KCNN4: variants seen among roughly 807,000 people sequenced by gnomAD.
KCNN4 encodes the protein potassium calcium-activated channel subfamily N member 4.
In KCNN4, 31 loss-of-function variants were observed where a neutral mutation model predicts 45.2. The ratio of observed to expected loss-of-function variants is 0.69; its 90% CI spans 0.52 to 0.92. The LOEUF is 0.92. Among genes scored for constraint, KCNN4 ranks in the 40% least tolerant of loss-of-function variants. KCNN4 has a pLI of 0.00. For synonymous variants in KCNN4, 231 were observed against 254.6 expected (o/e 0.91, Z 0.88); for missense variants, 463 against 574.0 (o/e 0.81, Z 1.98).
Position 43,769,502 on chromosome 19 carries a change from C to A in KCNN4, c.989G>T (p.Arg330Leu). Reference protein sequence around the residue: ...QEAWMFYKHTRRKESHAARRH... With the variant: ...QEAWMFYKHTLRKESHAARRH... ...GCGGGCAGCATGAGACTCCTTCCTG[C>A]GAGTATGTTTGTAGAACATCCAGGC... Residue 330 changes from arginine (R) to leucine (L), a missense_variant, in exon 6 of 9, where the codon CGC becomes CTC. This residue lies in a region of KCNN4 where 129 missense variants were observed against 149.4 expected (regional missense o/e 0.86). Coordinates refer to ENST00000648319, the MANE Select transcript of KCNN4 (RefSeq NM_002250.3). This position sits in a 1 kb window ranked among gnomAD's most constrained non-coding sequence, Gnocchi z 4.4. The A allele has an allele frequency of 2.5e-6, 4 of 1,614,206 alleles. No individual in the cohort carries two copies. The highest frequency in any genetic ancestry group is 3.4e-6 in the Non-Finnish European group (4 of 1,180,046).
chr19:43,780,154 G>C (rs1240430365), intron 1 of KCNN4, among the ~76,000 whole-genome samples: 2 of 152,062 alleles, frequency 1.3e-5, no homozygotes, highest in African/African-American at 4.8e-5. Flanking sequence ...GGGGGCTTGA[G>C]TGTCTGATCA....
rs1969684313 is a variant in KCNN4, at chr19:43,772,959, T to C, written c.684-824A>G. Among the ~76,000 whole-genome samples the C allele has an allele frequency of 6.6e-6, 1 of 152,242 alleles. No individual in the cohort carries two copies. Among genetic ancestry groups the C allele is most frequent in the South Asian group, 2.1e-4 (1 of 4,828 alleles). On this transcript the variant is annotated intron_variant, in intron 3 of 8. Transcript: ENST00000648319. This position sits in a 1 kb window ranked among gnomAD's most constrained non-coding sequence, Gnocchi z 4.4. The stretch of plus-strand genomic sequence containing the variant: ...TGGTGGGGGGATCATTCATTAATCC[T>C]GATTCTGACCAATTTCCCAATTGTG...
In KCNN4 at chr19:43,770,314, C is replaced by T. The variant is rs140803558; in HGVS notation, c.820-485G>A. ...GCTTCCACTGGCCTGAACGTCTCAG[C>T]CTGGCTCCCAAGGCCTTCCAAGGTC... On this transcript the variant is annotated intron_variant, in intron 4 of 8. Transcript: ENST00000648319. Among the ~76,000 whole-genome samples the T allele has an allele frequency of 5.0e-3, 763 of 152,282 alleles. 4 individuals carry two copies. The highest frequency in any genetic ancestry group is 0.018 in the African/African-American group (731 of 41,552).
At position 43,766,543 on chromosome 19, in the gene KCNN4, A is replaced by T. The variant is rs1251630873; in HGVS notation, c.*550T>A. 6.6e-6 allele frequency: 1 copy of T among 152,258 alleles called. No homozygotes were observed. Among genetic ancestry groups the T allele is most frequent in the Non-Finnish European group, 1.5e-5 (1 of 68,060 alleles). 9.4% of individuals were successfully genotyped at this position (152,258 alleles called of 1,614,324 possible). A position where few individuals can be genotyped will look rare whatever the true frequency, so the allele number is the denominator to read the frequency against. On this transcript the variant is annotated 3_prime_UTR_variant, in exon 9 of 9. Transcript: ENST00000648319. ...GAGAGAAATGGCAACTTCTGGCTTT[A>T]ACATTTATTACAAAGATAAGAGCAG...
In KCNN4 at chr19:43,769,288, C is replaced by T; in HGVS notation, c.1049+154G>A. 1.4e-6 allele frequency: 1 copy of T among 706,462 alleles called. No homozygotes were observed. The highest frequency in any genetic ancestry group is 2.5e-6 in the Non-Finnish European group (1 of 401,768). The allele number at this position is 706,462 out of a possible 1,614,324, so 43.8% of individuals were successfully genotyped here. The stretch of plus-strand genomic sequence containing the variant: ...ACCAGCACAGACACATAGAGTCATG[C>T]ACGGTCAGATCCAGGTGAGACCTGG... On this transcript the variant is annotated intron_variant, in intron 6 of 8. Transcript: ENST00000648319. The surrounding 1 kb of genome is among the most constrained non-coding windows in gnomAD (Gnocchi z 4.4).
intron 7 of KCNN4, among the ~76,000 whole-genome samples, chr19:43,768,643 G>A (rs1969548795): frequency 6.6e-6 from 1 of 152,114 alleles, no homozygotes. Context: ...TGGTTTTATT[G>A]TATGAGCTGT....
chr19:43,774,162 C>T lies in KCNN4; in HGVS notation c.683+30G>A, dbSNP rs767292201. Reference sequence around the variant, plus strand: ...CCGCCGTGGCTGTCCGGGGTTCCCCCCTGCGCATTTATGCCTCCATCACCC... The same window carrying T: ...CCGCCGTGGCTGTCCGGGGTTCCCCTCTGCGCATTTATGCCTCCATCACCC... On this transcript the variant is annotated intron_variant, in intron 3 of 8. Transcript: ENST00000648319. The surrounding 1 kb of genome is among the most constrained non-coding windows in gnomAD (Gnocchi z 5.6). 1.3e-6 allele frequency: 2 copies of T among 1,585,466 alleles called. No individual in the cohort carries two copies. The highest frequency in any genetic ancestry group is 2.3e-5 in the East Asian group (1 of 43,916).
intron 1 of KCNN4, among the ~76,000 whole-genome samples, chr19:43,779,515 G>T (rs1382915084): frequency 6.6e-6 from 1 of 152,102 alleles, no homozygotes; most frequent in African/African-American, 2.4e-5. Flanking sequence ...GTCCGCATCT[G>T]GCCCTACCAG....
Position 43,776,643 on chromosome 19 carries a change from G to T in KCNN4, c.160-7C>A. On this transcript the variant is annotated splice_region_variant and splice_polypyrimidine_tract_variant and intron_variant, in intron 1 of 8. Transcript: ENST00000648319. ...GGAACAGGTAGAGCGCCCACTGTCA[G>T]GGGGGACGGAAAAAGCGGTGTGAGA... 1 of 1,597,150 alleles carries T rather than the reference G, an allele frequency of 6.3e-7. No homozygotes were observed. The highest frequency in any genetic ancestry group is 8.6e-7 in the Non-Finnish European group (1 of 1,164,672).
At chr19:43,771,438 G>A (rs1969640798) in intron 4 of KCNN4, among the ~76,000 whole-genome samples, 3 of 152,140 alleles carry the variant, frequency 2.0e-5, no homozygotes, top group African/African-American at 7.2e-5. Flanking sequence ...GAGAGATCAC[G>A]TGGCTCGCCT....
At chr19:43,780,311 C>T (rs541129974) in intron 1 of KCNN4, among the ~76,000 whole-genome samples, 112 of 152,064 alleles carry the variant, frequency 7.4e-4, no homozygotes, top group African/African-American at 2.5e-3. Context: ...GAGTCCCAGC[C>T]AAAGCCCCTC....
intron 1 of KCNN4, among the ~76,000 whole-genome samples, chr19:43,778,591 A>T (rs1339846903): frequency 6.6e-6 from 1 of 152,104 alleles, no homozygotes; most frequent in East Asian, 1.9e-4. Flanking sequence ...TGGATTTCTC[A>T]GTAGCTTGAT....
intron 1 of KCNN4, among the ~76,000 whole-genome samples, chr19:43,779,288 G>A (rs1011626269): frequency 7.9e-5 from 12 of 152,158 alleles, no homozygotes; most frequent in Admixed American, 2.0e-4. Context: ...TTCTGGGTGC[G>A]GTGCTTCGGC....
chr19:43,776,603 T>C lies in KCNN4; in HGVS notation c.193A>G (p.Ile65Val). 6.2e-7 allele frequency: 1 copy of C among 1,613,936 alleles called. No homozygotes were observed. Among genetic ancestry groups the C allele is most frequent in the Non-Finnish European group, 8.5e-7 (1 of 1,179,874 alleles). ...AGGAGTAAGAAGGTGGAAATGCTGA[T>C]CGTGCATTTAACCAGGAACAGGTAG... is the stretch of plus-strand genomic sequence containing the variant. ...ALYLFLVKCT[I>V]SISTFLLLCL... The change falls in exon 2 of 9, where the codon ATC becomes GTC. Residue 65 changes from isoleucine (I) to valine (V), a missense_variant. Transcript: ENST00000648319.
At chr19:43,767,797 C>CA in intron 7 of KCNN4, 90 bp from the exon 8 acceptor site, 2 of 1,456,160 alleles carry the variant, frequency 1.4e-6, no homozygotes, top group Non-Finnish European at 1.9e-6. Flanking sequence ...ATATTGACCA[C>CA]ATCCTTATGG....
Position 43,780,926 on chromosome 19 carries a change from A to G in KCNN4, c.-65T>C. The G allele has an allele frequency of 3.9e-6, 6 of 1,547,088 alleles. No individual in the cohort carries two copies. Among genetic ancestry groups the G allele is most frequent in the African/African-American group, 1.4e-5 (1 of 73,750 alleles). Reference sequence around the variant, plus strand: ...GGGTCCCCCACCTCGCAGCACGCACAGGGCAGCCACTGTGGCTTGCAGGTC... The same window carrying G: ...GGGTCCCCCACCTCGCAGCACGCACGGGGCAGCCACTGTGGCTTGCAGGTC... On this transcript the variant is annotated 5_prime_UTR_variant, in exon 1 of 9. Coordinates refer to ENST00000648319, the MANE Select transcript of KCNN4 (RefSeq NM_002250.3).
rs1344445786 is a variant in KCNN4, at chr19:43,774,596, C to A, written c.279G>T (p.Leu93=). Residue 93 remains leucine (L), a synonymous_variant, in exon 3 of 9, where the codon CTG becomes CTT. Coordinates refer to ENST00000648319, the MANE Select transcript of KCNN4 (RefSeq NM_002250.3). This position sits in a 1 kb window ranked among gnomAD's most constrained non-coding sequence, Gnocchi z 5.6. ...CGGTCAGCGCCACGCGCCAGTCCCG[C>A]AGCCCGTTGTCGGTCATGAACAGCT... The part of the protein sequence containing the change: ...EVQLFMTDNG[L]RDWRVALTGR... 6.6e-7 allele frequency: 1 copy of A among 1,515,038 alleles called. No individual in the cohort carries two copies. 93.8% of individuals were successfully genotyped at this position (1,515,038 alleles called of 1,614,324 possible).
At position 43,774,071 on chromosome 19, in the gene KCNN4, C is replaced by T; in HGVS notation, c.683+121G>A. ...TTCAGCCAGCAAGAGGAGAAGGGGT[C>T]AAAGTGTGAACTTTCTCCACTGCTT... is the stretch of plus-strand genomic sequence containing the variant. On this transcript the variant is annotated intron_variant, in intron 3 of 8. Transcript: ENST00000648319. This position sits in a 1 kb window ranked among gnomAD's most constrained non-coding sequence, Gnocchi z 5.6. 9.3e-7 allele frequency: 1 copy of T among 1,072,252 alleles called. No homozygotes were observed. Among genetic ancestry groups the T allele is most frequent in the Non-Finnish European group, 1.3e-6 (1 of 751,098 alleles). The allele number at this position is 1,072,252 out of a possible 1,614,324, so 66.4% of individuals were successfully genotyped here.
In KCNN4 at chr19:43,769,052, G is replaced by A. The variant is rs1300643925; in HGVS notation, c.1050-20C>T. The A allele has an allele frequency of 2.5e-6, 4 of 1,613,922 alleles. No homozygotes were observed. Among genetic ancestry groups the A allele is most frequent in the African/African-American group, 1.3e-5 (1 of 74,926 alleles). On this transcript the variant is annotated intron_variant, in intron 6 of 8. Transcript: ENST00000648319. The surrounding 1 kb of genome is among the most constrained non-coding windows in gnomAD (Gnocchi z 4.4). ...CGGAACCTGTGGGAAGAAGTGGGGA[G>A]TCAGTTTTACAAGCCTGGTCCCTGA...
Sources: gnomAD v4.1 joint callset for allele counts (sites outside exome capture counted in the v4.1 genomes callset) on GRCh38, gnomAD v4.1.1 for gene constraint, gnomAD v4.1.1 regional missense constraint, Gnocchi (gnomAD v3.1) non-coding constraint, MANE v1.5 for transcripts, NCBI Gene and HGNC (gene_info 2026-07-23, HGNC 2026-07-21) for gene names.